Variants in YIPF4 observed in about 807,000 individuals in gnomAD.
YIPF4 encodes the protein protein YIPF4.
YIPF4 carries 18 observed loss-of-function variants against 29.4 expected under a neutral mutation model. That is an observed-to-expected ratio of 0.61 (90% CI 0.42 to 0.91). The LOEUF is 0.91. Ranked by LOEUF, YIPF4 falls within the 40% of genes least tolerant of loss-of-function variation. The pLI is 0.00. For missense variants in YIPF4, 279 were observed against 282.7 expected (o/e 0.99, Z 0.09); for synonymous variants, 115 against 104.7 (o/e 1.10, Z -0.60).
chr2:32,282,651 C>G (rs1254847063), intron 1 of YIPF4, among the ~76,000 whole-genome samples: 2 of 152,084 alleles, frequency 1.3e-5, no homozygotes, highest in Non-Finnish European at 2.9e-5. Context: ...CCAAGCTGTT[C>G]TCGAACTCCT....
intron 1 of YIPF4, among the ~76,000 whole-genome samples, chr2:32,289,572 T>A (rs890932094): frequency 1.3e-5 from 2 of 152,204 alleles, no homozygotes; most frequent in Non-Finnish European, 2.9e-5. Context: ...GGTTGTTTAT[T>A]AATGTATATT....
At chr2:32,279,564 A>ATT (rs58214119) in intron 1 of YIPF4, among the ~76,000 whole-genome samples, 9 of 111,548 alleles carry the variant, frequency 8.1e-5, no homozygotes, top group South Asian at 5.2e-4. Flanking sequence ...CGCCCGGCTA[A>ATT]TTTTTTTTTT....
At chr2:32,286,375 CATA>C (rs1033346320) in intron 1 of YIPF4, among the ~76,000 whole-genome samples, 33 of 152,062 alleles carry the variant, frequency 2.2e-4, no homozygotes, top group Middle Eastern at 3.4e-3. Flanking sequence ...AATTTAAAGA[CATA>C]AGACAAAAGA....
At chr2:32,281,152 C>G (rs2030389997) in intron 1 of YIPF4, among the ~76,000 whole-genome samples, 1 of 151,950 alleles carries the variant, frequency 6.6e-6, no homozygotes, top group African/African-American at 2.4e-5. Flanking sequence ...ATCCACGGAG[C>G]TATATGTATA....
At chr2:32,289,817 C>T (rs891771648) in intron 1 of YIPF4, among the ~76,000 whole-genome samples, 9 of 152,000 alleles carry the variant, frequency 5.9e-5, no homozygotes, top group African/African-American at 2.2e-4. Flanking sequence ...AAAACATAGC[C>T]TTTATTTATT....
intron 5 of YIPF4, among the ~76,000 whole-genome samples, chr2:32,303,286 T>C (rs1266193644): frequency 6.6e-6 from 1 of 152,002 alleles, no homozygotes; most frequent in African/African-American, 2.4e-5. Flanking sequence ...CTTGGGCCCA[T>C]GAGGCCGTGG....
At chr2:32,296,901 T>G (rs1465725168) in intron 3 of YIPF4, among the ~76,000 whole-genome samples, 1 of 152,230 alleles carries the variant, frequency 6.6e-6, no homozygotes, top group Non-Finnish European at 1.5e-5. Flanking sequence ...ATTTTTCTGT[T>G]TCCCTCAATC....
chr2:32,286,832 G>GA (rs1283967871), intron 1 of YIPF4, among the ~76,000 whole-genome samples: 1 of 151,998 alleles, frequency 6.6e-6, no homozygotes, highest in Non-Finnish European at 1.5e-5. Context: ...CCACCCTGCT[G>GA]AAAAAAACAT....
At chr2:32,284,247 T>C (rs989319508) in intron 1 of YIPF4, among the ~76,000 whole-genome samples, 5 of 152,124 alleles carry the variant, frequency 3.3e-5, no homozygotes, top group Non-Finnish European at 5.9e-5. Flanking sequence ...TAATTATATA[T>C]AGTGATAAAT....
At position 32,312,565 on chromosome 2, in the gene YIPF4, T is replaced by C. The variant is rs1376602166; in HGVS notation, c.*6939T>C. 1 of 145,298 alleles carries C rather than the reference T, an allele frequency of 6.9e-6. No homozygotes were observed. The highest frequency in any genetic ancestry group is 2.6e-5 in the African/African-American group (1 of 38,804). The allele number at this position is 145,298 out of a possible 1,614,324, so 9.0% of individuals were successfully genotyped here. A position where few individuals can be genotyped will look rare whatever the true frequency, so the allele number is the denominator to read the frequency against. On this transcript the variant is annotated 3_prime_UTR_variant, in exon 6 of 6. Transcript: ENST00000238831. The stretch of plus-strand genomic sequence containing the variant: ...TAGTGGTGGCCTGAATAATAAAACA[T>C]TGAGAAGAAACAGCCTTTGAATTTG...
intron 2 of YIPF4, among the ~76,000 whole-genome samples, chr2:32,291,554 G>A (rs559556534): frequency 6.6e-6 from 1 of 151,994 alleles, no homozygotes; most frequent in Non-Finnish European, 1.5e-5. Flanking sequence ...CAAAAACAAA[G>A]AAACAAACCG....
intron 5 of YIPF4, among the ~76,000 whole-genome samples, chr2:32,302,032 T>TG: frequency 6.7e-6 from 1 of 148,892 alleles, no homozygotes; most frequent in African/African-American, 2.5e-5. Flanking sequence ...TTTCTTTCTT[T>TG]CTTTTTTTTT....
intron 2 of YIPF4, among the ~76,000 whole-genome samples, chr2:32,291,536 T>G (rs1456468328): frequency 1.3e-5 from 2 of 152,140 alleles, no homozygotes; most frequent in Non-Finnish European, 2.9e-5. Flanking sequence ...AAAGCAAGAC[T>G]CTTGTCTCAA....
chr2:32,293,650 C>T (rs1180561052), intron 3 of YIPF4, among the ~76,000 whole-genome samples: 1 of 152,218 alleles, frequency 6.6e-6, no homozygotes, highest in Non-Finnish European at 1.5e-5. Flanking sequence ...GGGCTCCTCA[C>T]TTCCCAGTAG....
intron 2 of YIPF4, 122 bp from the exon 3 acceptor site, chr2:32,292,055 A>G (rs1420005535): frequency 1.8e-6 from 1 of 563,546 alleles, no homozygotes; most frequent in Non-Finnish European, 2.8e-6. Flanking sequence ...TTCAAATGCA[A>G]ATGTTTTGTT....
chr2:32,291,334 A>T (rs1179671293), intron 2 of YIPF4, among the ~76,000 whole-genome samples: 1 of 152,370 alleles, frequency 6.6e-6, no homozygotes, highest in Non-Finnish European at 1.5e-5. Flanking sequence ...TAGAAGTTCA[A>T]GATGAGCCTG....
intron 5 of YIPF4, among the ~76,000 whole-genome samples, chr2:32,303,155 A>G (rs753802259): frequency 6.6e-6 from 1 of 152,182 alleles, no homozygotes; most frequent in Non-Finnish European, 1.5e-5. Flanking sequence ...ACTTGAGCTC[A>G]GGAGTTTGAA....
In YIPF4 at chr2:32,312,487, CAAAAAAAAAAAAAAAAAAA is replaced by C. The variant is rs35334643; in HGVS notation, c.*6875_*6893del. The C allele has an allele frequency of 5.4e-5, 2 of 37,376 alleles. No individual in the cohort carries two copies. The highest frequency in any genetic ancestry group is 1.3e-4 in the African/African-American group (1 of 7,618). The allele number at this position is 37,376 out of a possible 1,614,324, so 2.3% of individuals were successfully genotyped here. A position where few individuals can be genotyped will look rare whatever the true frequency, so the allele number is the denominator to read the frequency against. On this transcript the variant is annotated 3_prime_UTR_variant, in exon 6 of 6. Transcript: ENST00000238831. The stretch of plus-strand genomic sequence containing the variant: ...TGGGCGACAGAGCGAGAATCCGTCT[CAAAAAAAAAAAAAAAAAAA>C]AAAAAAAAAAAAATTATTTTCAAAG...
At position 32,278,172 on chromosome 2, in the gene YIPF4, C is replaced by G. The variant is rs529742290; in HGVS notation, c.17C>G (p.Pro6Arg). The change falls in exon 1 of 6, where the codon CCG (proline) becomes CGG (arginine). Residue 6 changes from proline to arginine, a missense_variant. Transcript: ENST00000238831. The part of the protein sequence containing the change: MQPPG[P>R]PPAYAPTNGD... ...CGCCGCGAGATGCAGCCTCCGGGCC[C>G]GCCCCCGGCCTATGCCCCCACTAAC... 3.8e-6 allele frequency: 6 copies of G among 1,567,782 alleles called. No homozygotes were observed. In the East Asian group the frequency reaches 1.4e-4, roughly 37 times the overall value.
Sources: allele counts gnomAD v4.1 joint callset (sites outside exome capture counted in the v4.1 genomes callset), GRCh38; gene constraint gnomAD v4.1.1; transcripts MANE v1.5; gene names NCBI Gene and HGNC (gene_info 2026-07-23, HGNC 2026-07-21).